The following SYNE1 variants were observed in gnomAD, a reference collection of about 807,000 sequenced individuals.
SYNE1 encodes the protein spectrin repeat containing nuclear envelope protein 1, also known as nesprin-1.
SYNE1 carries 616 observed loss-of-function variants against 1,111.0 expected under a neutral mutation model. The observed-to-expected ratio is 0.55, with a 90% CI of 0.52 to 0.59. SYNE1 has a LOEUF of 0.59. Ranked by LOEUF, SYNE1 falls within the 20% of genes least tolerant of loss-of-function variation. SYNE1 has a pLI of 0.00. For synonymous variants in SYNE1, 3,855 were observed against 3,825.8 expected, an observed-to-expected ratio of 1.01 and a Z score of -0.28; for missense variants, 10,006 against 10,417.0, an observed-to-expected ratio of 0.96 and a Z score of 1.72.
chr6:152,588,365 A>G (rs1185951545), intron 3 of SYNE1, among the ~76,000 whole-genome samples: 1 of 152,244 alleles, frequency 6.6e-6, no homozygotes, highest in Non-Finnish European at 1.5e-5. Flanking sequence ...AATAGAGATG[A>G]CAATTTTCAA....
Position 152,391,261 on chromosome 6 carries a change from C to T in SYNE1, c.8004+16G>A. The T allele has an allele frequency of 1.2e-6, 2 of 1,613,780 alleles. No homozygotes were observed. The highest frequency in any genetic ancestry group is 2.2e-5 in the South Asian group (2 of 91,082). On this transcript the variant is annotated intron_variant, in intron 52 of 145. Transcript: ENST00000367255. ...GCATTCAGCAGTTGTCAGTGTCTGG[C>T]TGGTGTCGCATGTACCTGTATTTGT...
intron 131 of SYNE1, among the ~76,000 whole-genome samples, chr6:152,163,878 C>T (rs147035175): frequency 4.5e-4 from 68 of 152,170 alleles, no homozygotes; most frequent in Admixed American, 1.5e-3. Context: ...GTTTTAGATA[C>T]GTAATTGCAA....
At chr6:152,175,067 G>A (rs893197101) in intron 130 of SYNE1, among the ~76,000 whole-genome samples, 2 of 152,130 alleles carry the variant, frequency 1.3e-5, no homozygotes, top group Non-Finnish European at 2.9e-5. Context: ...GGTAGTGTAT[G>A]CCTGTAGTCC....
Position 152,229,575 on chromosome 6 carries a change from T to C in SYNE1, c.21195+972A>G, listed in dbSNP as rs190199863. On this transcript the variant is annotated intron_variant, in intron 115 of 145. Coordinates refer to ENST00000367255, the MANE Select transcript of SYNE1 (RefSeq NM_182961.4). Reference sequence around the variant, plus strand: ...TAGGAATTCCACTGTGAAGTGCTTGTTCAGAGGAGGTGAACGGGAATCCAA... The same window carrying C: ...TAGGAATTCCACTGTGAAGTGCTTGCTCAGAGGAGGTGAACGGGAATCCAA... Among the ~76,000 whole-genome samples the C allele has an allele frequency of 4.7e-3, 711 of 152,284 alleles. 6 individuals are homozygous for C. Among genetic ancestry groups the C allele is most frequent in the Non-Finnish European group, 6.3e-3 (426 of 68,022 alleles).
intron 39 of SYNE1, among the ~76,000 whole-genome samples, chr6:152,423,951 A>T (rs1481632969): frequency 6.6e-6 from 1 of 152,230 alleles, no homozygotes; most frequent in East Asian, 1.9e-4. Context: ...ACCATCCTGC[A>T]GTCCCTGCCA....
chr6:152,357,918 A>G (rs1011161563), intron 66 of SYNE1, among the ~76,000 whole-genome samples: 1 of 152,100 alleles, frequency 6.6e-6, no homozygotes, highest in African/African-American at 2.4e-5. Context: ...TCCTTCTTCT[A>G]GAACTCTGAG....
rs2081441730 is a variant in SYNE1, at chr6:152,225,771, T to C, written c.21301A>G (p.Met7101Val). The change falls in exon 116 of 146, where the codon ATG becomes GTG. Residue 7101 changes from methionine (M) to valine (V), a missense_variant. Transcript: ENST00000367255. Reference sequence around the variant, plus strand: ...TGGCCGAGCTCTCGCAGTGTGCTCATGACAATGCTAGAGACGTCTTCTTTC... The same window carrying C: ...TGGCCGAGCTCTCGCAGTGTGCTCACGACAATGCTAGAGACGTCTTCTTTC... Reference protein sequence around the residue: ...NKKEDVSSIVMSTLRELGQTW... With the variant: ...NKKEDVSSIVVSTLRELGQTW... 1 of 1,614,022 alleles carries C rather than the reference T, an allele frequency of 6.2e-7. No individual in the cohort carries two copies.
intron 3 of SYNE1, among the ~76,000 whole-genome samples, chr6:152,616,448 T>C (rs1253438304): frequency 7.2e-5 from 11 of 152,134 alleles, no homozygotes; most frequent in Admixed American, 2.6e-4. Context: ...TGGTGGCATA[T>C]GCCTGTCATC....
At position 152,154,933 on chromosome 6, in the gene SYNE1, C is replaced by A. The variant is rs2061109907; in HGVS notation, c.24088G>T (p.Val8030Leu). ...RTAAFPSSSG[V>L]IYTVAKEELK... The stretch of plus-strand genomic sequence containing the variant: ...TCTTCCTTGGCAACTGTATAGATCA[C>A]CCCAGAAGAGCTGGGAAAAGCAGCT... The change falls in exon 133 of 146, where the codon GTG becomes TTG. Residue 8030 changes from valine (V) to leucine (L), a missense_variant. Transcript: ENST00000367255. 2 of 1,614,010 alleles carry A rather than the reference C, an allele frequency of 1.2e-6. No homozygotes were observed.
chr6:152,478,042 T>C (rs1187746439), intron 14 of SYNE1, among the ~76,000 whole-genome samples: 2 of 152,168 alleles, frequency 1.3e-5, no homozygotes, highest in Non-Finnish European at 1.5e-5. Flanking sequence ...GCTGGGATTA[T>C]AAGTATGAGC....
At chr6:152,297,801 G>A (rs9371580) in intron 93 of SYNE1, among the ~76,000 whole-genome samples, 1 of 97,256 alleles carries the variant, frequency 1.0e-5, no homozygotes, top group East Asian at 2.6e-4. Context: ...GTGTGTGTGT[G>A]TGTGTGTGTG....
At chr6:152,139,708 AAAG>A (rs770883915) in intron 140 of SYNE1, among the ~76,000 whole-genome samples, 18 of 32,386 alleles carry the variant, frequency 5.6e-4, no homozygotes, top group Admixed American at 1.3e-3. Flanking sequence ...GAGAAAAAGA[AAAG>A]AAAGAAAAAG....
At chr6:152,167,859 A>C (rs1255253685) in intron 130 of SYNE1, 1 of 683,814 alleles carries the variant, frequency 1.5e-6, no homozygotes. Flanking sequence ...TACGGTCCAG[A>C]GACAACTGGA....
At chr6:152,458,722 T>C (rs753277284) in intron 22 of SYNE1, 35 bp downstream of exon 22, 3 of 1,609,500 alleles carry the variant, frequency 1.9e-6, no homozygotes, top group Non-Finnish European at 2.6e-6. Flanking sequence ...ACACATGCTT[T>C]AGAATAATTG....
At chr6:152,628,974 C>T (rs1348603286) in intron 2 of SYNE1, among the ~76,000 whole-genome samples, 1 of 152,098 alleles carries the variant, frequency 6.6e-6, no homozygotes, top group Non-Finnish European at 1.5e-5. Flanking sequence ...GTACTCTTTC[C>T]AGGAATGGGA....
intron 3 of SYNE1, among the ~76,000 whole-genome samples, chr6:152,603,907 C>G (rs967035910): frequency 1.1e-4 from 15 of 142,692 alleles, no homozygotes; most frequent in African/African-American, 3.6e-4. Flanking sequence ...GATAGATATA[C>G]TATCTATATA....
chr6:152,610,225 C>T (rs527366581), intron 3 of SYNE1, among the ~76,000 whole-genome samples: 16 of 152,182 alleles, frequency 1.1e-4, no homozygotes, highest in East Asian at 7.7e-4. Flanking sequence ...TCAAACCCAT[C>T]GCAAGGAAGC....
intron 143 of SYNE1, among the ~76,000 whole-genome samples, chr6:152,132,805 A>G (rs2056137044): frequency 6.6e-6 from 1 of 152,176 alleles, no homozygotes; most frequent in South Asian, 2.1e-4. Flanking sequence ...AAAACCAATA[A>G]TACCACAATG....
intron 14 of SYNE1, among the ~76,000 whole-genome samples, chr6:152,477,903 C>A (rs1306224388): frequency 2.6e-5 from 4 of 152,130 alleles, no homozygotes; most frequent in Non-Finnish European, 5.9e-5. Context: ...GTAGCTGGGA[C>A]TACAGGCATG....
Sources: allele counts gnomAD v4.1 joint callset (sites outside exome capture counted in the v4.1 genomes callset), GRCh38; gene constraint gnomAD v4.1.1; transcripts MANE v1.5; gene names NCBI Gene and HGNC (gene_info 2026-07-23, HGNC 2026-07-21).